PLCG2: variants seen among roughly 807,000 people sequenced by gnomAD.
The protein encoded by PLCG2 is 1-phosphatidylinositol 4,5-bisphosphate phosphodiesterase gamma-2.
PLCG2 carries 69 observed loss-of-function variants against 175.6 expected under a neutral mutation model. That is an observed-to-expected ratio of 0.39 (90% CI 0.32 to 0.48). The LOEUF (loss-of-function observed/expected upper bound fraction) is 0.48. PLCG2 is among the 20% of genes least tolerant of loss of function. The probability of loss-of-function intolerance (pLI) is 0.91; values close to 1 mark genes in which losing one functional copy is unlikely to be tolerated. For synonymous variants in PLCG2, 827 were observed against 624.0 expected (o/e 1.33, Z -4.85); for missense variants, 1,798 against 1,650.9 (o/e 1.09, Z -1.54).
chr16:81,927,288 C>G lies in PLCG2; in HGVS notation c.2514+110C>G, dbSNP rs1910315645. On this transcript the variant is annotated intron_variant, in intron 23 of 32. Transcript: ENST00000564138. ...AATTTTTCCATGTGCTGCTTGTGGTCTCTGTGGAGCTCTGGATCAGGGAAG... is the reference window on the plus strand; with the variant it reads ...AATTTTTCCATGTGCTGCTTGTGGTGTCTGTGGAGCTCTGGATCAGGGAAG... The G allele has an allele frequency of 4.2e-6, 3 of 721,980 alleles. No homozygotes were observed. The African/African-American group carries it at 5.2e-5, about 13-fold the overall frequency. The allele number at this position is 721,980 out of a possible 1,614,324, so 44.7% of individuals were successfully genotyped here. A position where few individuals can be genotyped will look rare whatever the true frequency, so the allele number is the denominator to read the frequency against.
At chr16:81,884,016 A>G (rs1908224458) in intron 9 of PLCG2, among the ~76,000 whole-genome samples, 1 of 152,190 alleles carries the variant, frequency 6.6e-6, no homozygotes, top group Non-Finnish European at 1.5e-5. Flanking sequence ...GTTCCTAAAT[A>G]TCCTACATTG....
intron 3 of PLCG2, chr16:81,857,936 G>A: frequency 3.3e-6 from 1 of 298,540 alleles, no homozygotes; most frequent in Non-Finnish European, 6.5e-6. Context: ...GTATATATAT[G>A]TAGTTAGTGC....
intron 2 of PLCG2, among the ~76,000 whole-genome samples, chr16:81,804,454 G>C (rs1198079390): frequency 6.6e-6 from 1 of 152,202 alleles, no homozygotes; most frequent in Admixed American, 6.5e-5. Flanking sequence ...GGCAACTCTG[G>C]ATATGTTAGC....
chr16:81,755,330 G>A (rs990587038), intron 1 of PLCG2, among the ~76,000 whole-genome samples: 8 of 151,780 alleles, frequency 5.3e-5, no homozygotes, highest in African/African-American at 1.9e-4. Context: ...CCAAGTAGCT[G>A]GGGCTACAGG....
chr16:81,790,066 T>C (rs1289746168), intron 2 of PLCG2, among the ~76,000 whole-genome samples: 1 of 152,222 alleles, frequency 6.6e-6, no homozygotes, highest in Non-Finnish European at 1.5e-5. Flanking sequence ...TTAATTCCCT[T>C]ATCTGTGGAC....
At position 81,928,633 on chromosome 16, in the gene PLCG2, A is replaced by G; in HGVS notation, c.2581+9A>G. 6.3e-7 allele frequency: 1 copy of G among 1,580,430 alleles called. No homozygotes were observed. The highest frequency in any genetic ancestry group is 1.1e-5 in the South Asian group (1 of 90,398). On this transcript the variant is annotated intron_variant, in intron 24 of 32. Coordinates refer to ENST00000564138, the MANE Select transcript of PLCG2 (RefSeq NM_002661.5). ...CAATACCTATAACGTCGGTACGTGC[A>G]CACATCATCTTAGCCTGGATTTCCA...
chr16:81,933,758 C>T (rs374139729), intron 25 of PLCG2, among the ~76,000 whole-genome samples: 6 of 152,232 alleles, frequency 3.9e-5, no homozygotes, highest in African/African-American at 1.4e-4. Flanking sequence ...TAAATATTCT[C>T]TCAAGGTCCC....
At chr16:81,942,898 CAAG>C (rs1308472883) in intron 30 of PLCG2, among the ~76,000 whole-genome samples, 9 of 150,920 alleles carry the variant, frequency 6.0e-5, no homozygotes, top group Non-Finnish European at 1.2e-4. Flanking sequence ...TGACTAGAAA[CAAG>C]AAGAAGAAAA....
chr16:81,910,790 C>G lies in PLCG2; in HGVS notation c.1934+70C>G. On this transcript the variant is annotated intron_variant, in intron 18 of 32. Transcript: ENST00000564138. ...AGCTCCACCAGGCAGAGAAGCTGGC[C>G]TGGTGGTTCAGCCGGGCCAGTCCCC... 2.1e-6 allele frequency: 3 copies of G among 1,455,020 alleles called. No homozygotes were observed. The East Asian group carries it at 6.8e-5, about 33-fold the overall frequency. 90.1% of individuals were successfully genotyped at this position (1,455,020 alleles called of 1,614,324 possible). A position where few individuals can be genotyped will look rare whatever the true frequency, so the allele number is the denominator to read the frequency against.
rs199571184 is a variant in PLCG2 at position 81,946,187 on chromosome 16, T to C, written c.3494T>C (p.Val1165Ala). Residue 1165 changes from valine to alanine, a missense_variant, in exon 31 of 33, where the codon GTT becomes GCT. Coordinates refer to ENST00000564138, the MANE Select transcript of PLCG2 (RefSeq NM_002661.5). ...TGTTCTGCTTCAGGATTCAGGTCCG[T>C]TCCTCTGAAGAATGGGTACAGCGAG... ...IKAVKSGFRSVPLKNGYSEDI... is the reference protein window; with the variant it reads ...IKAVKSGFRSAPLKNGYSEDI... 2 of 1,613,562 alleles carry C rather than the reference T, an allele frequency of 1.2e-6. No homozygotes were observed. Among genetic ancestry groups the C allele is most frequent in the Non-Finnish European group, 1.7e-6 (2 of 1,179,486 alleles).
At chr16:81,923,319 C>T in intron 21 of PLCG2, 166 bp from the exon 22 acceptor site, 1 of 570,270 alleles carries the variant, frequency 1.8e-6, no homozygotes, top group Non-Finnish European at 3.1e-6. Flanking sequence ...TTTTTGGGGC[C>T]TTCGATCCTT....
At chr16:81,751,293 T>C (rs555530257) in intron 1 of PLCG2, among the ~76,000 whole-genome samples, 3 of 152,240 alleles carry the variant, frequency 2.0e-5, no homozygotes, top group Admixed American at 1.3e-4. Context: ...GAACTAGAGA[T>C]TGATGGCCAG....
chr16:81,893,961 CTT>C (rs74264894), intron 12 of PLCG2, among the ~76,000 whole-genome samples, 167 bp downstream of exon 12: 7 of 134,542 alleles, frequency 5.2e-5, no homozygotes, highest in Non-Finnish European at 3.2e-5. Flanking sequence ...TTTTTTCTTT[CTT>C]TTTTTTTTTT....
rs1910048373 is a variant in PLCG2 at position 81,921,234 on chromosome 16, A to C, written c.2272A>C (p.Met758Leu). 1 of 1,609,078 alleles carries C rather than the reference A, an allele frequency of 6.2e-7. No homozygotes were observed. Among genetic ancestry groups the C allele is most frequent in the Admixed American group, 1.7e-5 (1 of 59,988 alleles). Reference protein sequence around the residue: ...DINSLYDVSRMYVDPSEINPS... With the variant: ...DINSLYDVSRLYVDPSEINPS... ...AAACTCCCTCTACGACGTCAGCAGA[A>C]TGTATGTGGATCCCAGTGAAATCAA... The change falls in exon 21 of 33, where the codon ATG becomes CTG. Residue 758 changes from methionine (M) to leucine (L), a missense_variant. By Grantham distance (15) the Met-to-Leu change is conservative (BLOSUM62 2). Transcript: ENST00000564138.
Position 81,865,581 on chromosome 16 carries a change from G to C in PLCG2, c.480-3633G>C, listed in dbSNP as rs555146356. 7.2e-5 allele frequency among the ~76,000 whole-genome samples: 11 copies of C among 152,330 alleles called. No homozygotes were observed. The South Asian group carries it at 1.0e-3, about 14-fold the overall frequency. On this transcript the variant is annotated intron_variant, in intron 5 of 32. Transcript: ENST00000564138. ...CTTGAGCAGCTGCTCTGGCACCCCA[G>C]GCCCCTCAGTCTCTCTGTTCCTGGA...
At chr16:81,891,635 C>G (rs149720938) in intron 11 of PLCG2, 45 bp downstream of exon 11, 3 of 1,130,592 alleles carry the variant, frequency 2.7e-6, no homozygotes, top group African/African-American at 1.5e-5. Flanking sequence ...GCACAGAGCA[C>G]GTGAGGGTTG....
At chr16:81,902,096 A>C (rs952013672) in intron 14 of PLCG2, among the ~76,000 whole-genome samples, 2 of 152,210 alleles carry the variant, frequency 1.3e-5, no homozygotes, top group African/African-American at 4.8e-5. Flanking sequence ...TCTGGTAAGC[A>C]AGTCAGCTGT....
intron 13 of PLCG2, among the ~76,000 whole-genome samples, chr16:81,897,548 CTTT>C (rs10710027): frequency 4.7e-5 from 6 of 128,674 alleles, no homozygotes; most frequent in Non-Finnish European, 4.8e-5. Context: ...CTTTTCTTTT[CTTT>C]TTTTTTTTTT....
intron 7 of PLCG2, 84 bp downstream of exon 7, chr16:81,871,019 C>A: frequency 2.9e-6 from 2 of 700,734 alleles, no homozygotes; most frequent in South Asian, 1.8e-5. Context: ...AAGAAACCCA[C>A]AAGAAGTGTT....
Sources: gnomAD v4.1 joint callset for allele counts (sites outside exome capture counted in the v4.1 genomes callset) on GRCh38, gnomAD v4.1.1 for gene constraint, MANE v1.5 for transcripts, NCBI Gene and HGNC (gene_info 2026-07-23, HGNC 2026-07-21) for gene names.